The following DYSF variants were observed in gnomAD, a reference collection of about 807,000 sequenced individuals.
DYSF encodes the protein dysferlin.
DYSF carries 212 observed loss-of-function variants against 274.9 expected under a neutral mutation model. The observed-to-expected ratio is 0.77, with a 90% confidence interval of 0.69 to 0.86. The LOEUF is 0.86. Ranked by LOEUF, DYSF falls within the 40% of genes least tolerant of loss-of-function variation. The pLI, the probability that DYSF is intolerant of heterozygous loss-of-function variation, is 0.00. For synonymous variants in DYSF, 1,091 were observed against 1,078.7 expected (o/e 1.01, Z -0.22); for missense variants, 2,666 against 2,783.2 (o/e 0.96, Z 0.95).
At chr2:71,515,810 A>C in intron 8 of DYSF, 59 bp downstream of exon 8, 5 of 1,610,024 alleles carry the variant, frequency 3.1e-6, no homozygotes, top group Non-Finnish European at 3.4e-6. Context: ...CTGGAAGCCC[A>C]GTGCAGACAC....
chr2:71,512,538 G>C (rs1459632733), intron 5 of DYSF, among the ~76,000 whole-genome samples: 1 of 152,188 alleles, frequency 6.6e-6, no homozygotes, highest in African/African-American at 2.4e-5. Context: ...TCTTCACTTG[G>C]TTCTGCCAGG....
In DYSF at chr2:71,612,811, G is replaced by A. The variant is rs765832274; in HGVS notation, c.4387+5G>A. 1.2e-6 allele frequency: 2 copies of A among 1,609,414 alleles called. No homozygotes were observed. Among genetic ancestry groups the A allele is most frequent in the South Asian group, 2.2e-5 (2 of 90,882 alleles). On this transcript the variant is annotated splice_donor_5th_base_variant and intron_variant, in intron 39 of 55. Coordinates refer to ENST00000410020, the MANE Select transcript of DYSF (RefSeq NM_001130987.2). ...CATCCCCACAGGGTGGCCCAGGTAG[G>A]GGAAGGGGAGATGATGGGCAGGTCA...
chr2:71,669,917 C>T (rs963686676), intron 51 of DYSF, among the ~76,000 whole-genome samples, 171 bp downstream of exon 51: 1 of 152,198 alleles, frequency 6.6e-6, no homozygotes, highest in African/African-American at 2.4e-5. Flanking sequence ...CCCAGCACTG[C>T]CAGTGTCACC....
rs1369810950 is a variant in DYSF, at chr2:71,473,222, T to TG, written c.91+6294dup. 2.0e-5 allele frequency among the ~76,000 whole-genome samples: 3 copies of TG among 152,160 alleles called. No individual in the cohort carries two copies. In the East Asian group the frequency reaches 5.8e-4, roughly 29 times the overall value. On this transcript the variant is annotated intron_variant, in intron 1 of 55. Transcript: ENST00000410020. ...TGACCATCTACCTCTGCTTTTTGTT[T>TG]GGGGGTGTCTGTACCAAGAGGTAAT...
chr2:71,645,927 G>A (rs1266058195), intron 42 of DYSF, among the ~76,000 whole-genome samples: 1 of 152,188 alleles, frequency 6.6e-6, no homozygotes, highest in Admixed American at 6.5e-5. Context: ...GGAGGGGACT[G>A]GATGAGAGAG....
At chr2:71,661,617 A>T (rs2094882703) in intron 45 of DYSF, among the ~76,000 whole-genome samples, 1 of 152,204 alleles carries the variant, frequency 6.6e-6, no homozygotes, top group Non-Finnish European at 1.5e-5. Context: ...ATTGCATGGG[A>T]GTAATTCCTA....
intron 10 of DYSF, 68 bp downstream of exon 10, chr2:71,517,107 C>A (rs2086738296): frequency 3.5e-6 from 5 of 1,428,906 alleles, no homozygotes; most frequent in Non-Finnish European, 4.0e-6. Flanking sequence ...CTCTGTGGAC[C>A]ATGGGCAGGG....
rs1358873032 is a variant in DYSF, at chr2:71,573,861, C to G, written c.3229-337C>G. On this transcript the variant is annotated intron_variant, in intron 29 of 55. Coordinates refer to ENST00000410020, the MANE Select transcript of DYSF (RefSeq NM_001130987.2). Reference sequence around the variant, plus strand: ...CTTTTGAGATGGAGTCTCATTCTGTCACCCAGGCTTGAGTGCAGTGGCGCA... The same window carrying G: ...CTTTTGAGATGGAGTCTCATTCTGTGACCCAGGCTTGAGTGCAGTGGCGCA... Among the ~76,000 whole-genome samples the G allele has an allele frequency of 2.6e-5, 4 of 151,932 alleles. No individual in the cohort carries two copies. The East Asian group carries it at 7.7e-4, about 29-fold the overall frequency.
At chr2:71,546,187 C>A (rs936849974) in intron 17 of DYSF, among the ~76,000 whole-genome samples, 9 of 152,378 alleles carry the variant, frequency 5.9e-5, no homozygotes, top group African/African-American at 2.2e-4. Context: ...GCCTCCCCGA[C>A]TTGCCTGCAG....
Position 71,664,322 on chromosome 2 carries a change from C to A in DYSF, c.5058C>A (p.Leu1686=), listed in dbSNP as rs141476432. 3.0e-4 allele frequency: 484 copies of A among 1,614,212 alleles called. 2 individuals are homozygous for A. In the African/African-American group the frequency reaches 5.7e-3, roughly 19 times the overall value. The change falls in exon 46 of 56, where the codon CTC becomes CTA. Residue 1686 remains leucine (L), a synonymous_variant. Transcript: ENST00000410020. ...LPLEKDLKIT[L]YDYDLLSKDE... ...TGGAGAAGGACCTAAAGATCACTCT[C>A]TATGACTATGACCTCCTCTCCAAGG...
At chr2:71,566,353 C>CAAAAAAAAA (rs773800974) in intron 24 of DYSF, among the ~76,000 whole-genome samples, 1 of 49,798 alleles carries the variant, frequency 2.0e-5, no homozygotes, top group Non-Finnish European at 3.8e-5. Flanking sequence ...TGGTTTCAAG[C>CAAAAAAAAA]AAAAAAAAAA....
chr2:71,616,323 C>T (rs1020275587), intron 40 of DYSF, among the ~76,000 whole-genome samples: 2 of 152,048 alleles, frequency 1.3e-5, no homozygotes, highest in African/African-American at 4.8e-5. Flanking sequence ...GGGTGCCTGG[C>T]CTGTTTAAAC....
chr2:71,631,269 T>A (rs1027924455), intron 41 of DYSF, among the ~76,000 whole-genome samples: 1 of 152,232 alleles, frequency 6.6e-6, no homozygotes, highest in African/African-American at 2.4e-5. Flanking sequence ...TTAACTTTAA[T>A]AACATTCATG....
intron 36 of DYSF, among the ~76,000 whole-genome samples, chr2:71,606,844 G>C (rs1269049827): frequency 7.2e-5 from 11 of 152,166 alleles, no homozygotes; most frequent in Non-Finnish European, 1.6e-4. Context: ...GCAGGCCTGG[G>C]GAGGACCCAG....
intron 4 of DYSF, 28 bp downstream of exon 4, chr2:71,503,347 T>C: frequency 6.2e-7 from 1 of 1,611,650 alleles, no homozygotes; most frequent in Non-Finnish European, 8.5e-7. Flanking sequence ...TCTGCCAGGT[T>C]AAGGTCCAAG....
At chr2:71,539,507 ATGC>A (rs2152767495) in intron 17 of DYSF, among the ~76,000 whole-genome samples, 1 of 152,364 alleles carries the variant, frequency 6.6e-6, no homozygotes, top group African/African-American at 2.4e-5. Flanking sequence ...GGCTGTGGCC[ATGC>A]CATCCATCAG....
chr2:71,589,580 T>C lies in DYSF; in HGVS notation c.3403-13T>C. On this transcript the variant is annotated splice_polypyrimidine_tract_variant and intron_variant, in intron 30 of 55. Coordinates refer to ENST00000410020, the MANE Select transcript of DYSF (RefSeq NM_001130987.2). Reference sequence around the variant, plus strand: ...GGGGGCAGAATCTGCCATAACCAGCTTCGTGTCTCCAGGGCGGCGTGATGG... The same window carrying C: ...GGGGGCAGAATCTGCCATAACCAGCCTCGTGTCTCCAGGGCGGCGTGATGG... The C allele has an allele frequency of 3.1e-6, 5 of 1,613,380 alleles. No homozygotes were observed. The South Asian group carries it at 3.3e-5, about 11-fold the overall frequency.
chr2:71,619,859 A>G (rs1206477439), intron 40 of DYSF, among the ~76,000 whole-genome samples: 1 of 152,170 alleles, frequency 6.6e-6, no homozygotes, highest in Non-Finnish European at 1.5e-5. Flanking sequence ...CTGAGCCCTG[A>G]GGCCCTCCTC....
At chr2:71,521,581 T>G (rs149151123) in intron 12 of DYSF, among the ~76,000 whole-genome samples, 66 of 151,716 alleles carry the variant, frequency 4.4e-4, no homozygotes, top group South Asian at 2.5e-3. Context: ...AGGTCAGGGG[T>G]GAGGTGAAGG....
Sources: allele counts gnomAD v4.1 joint callset (sites outside exome capture counted in the v4.1 genomes callset), GRCh38; gene constraint gnomAD v4.1.1; transcripts MANE v1.5; gene names NCBI Gene and HGNC (gene_info 2026-07-23, HGNC 2026-07-21).